PHF23: variants seen among roughly 807,000 people sequenced by gnomAD.
PHF23 encodes PHD finger protein 23, also known as PDH-containing protein JUNE-1.
In PHF23, 3 loss-of-function variants were observed where a neutral mutation model predicts 36.0. The ratio of observed to expected loss-of-function variants is 0.08; its 90% CI spans 0.04 to 0.22. PHF23 has a LOEUF of 0.22. PHF23 is among the 10% of genes least tolerant of loss of function. PHF23 has a pLI of 1.00. For missense variants in PHF23, 475 were observed against 513.6 expected (o/e 0.92, Z 0.73); for synonymous variants, 242 against 192.5 (o/e 1.26, Z -2.13).
intron 1 of PHF23, chr17:7,238,878 C>T: frequency 6.5e-7 from 1 of 1,533,992 alleles, no homozygotes; most frequent in Non-Finnish European, 8.7e-7. Context: ...AACTACCGGG[C>T]CCCTCACTCA....
At position 7,235,920 on chromosome 17, in the gene PHF23, A is replaced by C. The variant is rs747515864; in HGVS notation, c.997+10T>G. On this transcript the variant is annotated intron_variant, in intron 4 of 4. Transcript: ENST00000320316. ...CCCTCAAACCCCTCGCCCCAGCCCG[A>C]ACCTCTCACCTGATTCTACCATGAT... 4 of 1,610,696 alleles carry C rather than the reference A, an allele frequency of 2.5e-6. No individual in the cohort carries two copies. The East Asian group carries it at 8.9e-5, about 36-fold the overall frequency.
At position 7,236,598 on chromosome 17, in the gene PHF23, C is replaced by G; in HGVS notation, c.329G>C (p.Gly110Ala). 1 of 1,614,206 alleles carries G rather than the reference C, an allele frequency of 6.2e-7. No homozygotes were observed. Among genetic ancestry groups the G allele is most frequent in the Non-Finnish European group, 8.5e-7 (1 of 1,180,036 alleles). ...RAAQAGPTQP[G>A]PPRSTFSRLQ... ...ACGAGAGAAAGTGGACCTTGGGGGT[C>G]CTGGCTGGGTGGGACCTGCTTGAGC... Residue 110 changes from glycine (G) to alanine (A), a missense_variant, in exon 4 of 5, where the codon GGA becomes GCA. By Grantham distance (60) the Gly-to-Ala change is moderately conservative. This residue lies in a region of PHF23 where 350 missense variants were observed against 319.8 expected (regional missense o/e 1.09). Transcript: ENST00000320316. This position sits in a 1 kb window ranked among gnomAD's most constrained non-coding sequence, Gnocchi z 5.1.
At chr17:7,238,923 C>T (rs902840535) in intron 1 of PHF23, 4 of 1,524,968 alleles carry the variant, frequency 2.6e-6, no homozygotes, top group Non-Finnish European at 3.5e-6. Flanking sequence ...AGCAACTCTC[C>T]GGCCACTGGA....
chr17:7,237,798 G>A, intron 1 of PHF23, 138 bp from the exon 2 acceptor site: 1 of 1,010,084 alleles, frequency 9.9e-7, no homozygotes. Context: ...CAGCTGTGTT[G>A]GATCCGCCCC....
chr17:7,235,803 T>C lies in PHF23; in HGVS notation c.1035A>G (p.Arg345=). ...DSWDLITCYC[R]KPFAGRPMIE... ...TCATGGGCCGCCCTGCAAAGGGCTT[T>C]CGACAGTAACATGTGATCAGATCCC... is the stretch of plus-strand genomic sequence containing the variant. The change falls in exon 5 of 5, where the codon CGA becomes CGG. Residue 345 remains arginine, a synonymous_variant. Transcript: ENST00000320316. 1 of 1,614,206 alleles carries C rather than the reference T, an allele frequency of 6.2e-7. No homozygotes were observed. Among genetic ancestry groups the C allele is most frequent in the Non-Finnish European group, 8.5e-7 (1 of 1,180,042 alleles).
Position 7,236,832 on chromosome 17 carries a change from C to T in PHF23, c.160-65G>A. On this transcript the variant is annotated intron_variant, in intron 3 of 4. Coordinates refer to ENST00000320316, the MANE Select transcript of PHF23 (RefSeq NM_024297.3). This position sits in a 1 kb window ranked among gnomAD's most constrained non-coding sequence, Gnocchi z 5.1. ...TGTCATCTCAGCCCCTCCACAAACC[C>T]AGCTTGAAAAGGAGTGACTGGATTT... The T allele has an allele frequency of 1.3e-6, 2 of 1,530,170 alleles. No homozygotes were observed. The highest frequency in any genetic ancestry group is 2.6e-5 in the South Asian group (2 of 78,114). 94.8% of individuals were successfully genotyped at this position (1,530,170 alleles called of 1,614,324 possible). A position where few individuals can be genotyped will look rare whatever the true frequency, so the allele number is the denominator to read the frequency against.
rs565984816 is a variant in PHF23, at chr17:7,236,826, C to T, written c.160-59G>A. The T allele has an allele frequency of 1.6e-5, 24 of 1,537,428 alleles. No individual in the cohort carries two copies. The East Asian group carries it at 4.7e-4, about 30-fold the overall frequency. ...CCCCAGTGTCATCTCAGCCCCTCCA[C>T]AAACCCAGCTTGAAAAGGAGTGACT... On this transcript the variant is annotated intron_variant, in intron 3 of 4. Transcript: ENST00000320316. The surrounding 1 kb of genome is among the most constrained non-coding windows in gnomAD (Gnocchi z 5.1).
At chr17:7,238,606 C>CT in intron 1 of PHF23, 1 of 986,186 alleles carries the variant, frequency 1.0e-6, no homozygotes, top group Non-Finnish European at 1.2e-6. Context: ...CGGACCAACC[C>CT]TACCCCCCCG....
rs756057437 is a variant in PHF23 at position 7,236,451 on chromosome 17, C to T, written c.476G>A (p.Arg159Gln). The T allele has an allele frequency of 1.5e-5, 24 of 1,613,404 alleles. 1 individual carries two copies. In the South Asian group the frequency reaches 1.6e-4, roughly 11 times the overall value. Residue 159 changes from arginine (R) to glutamine (Q), a missense_variant, in exon 4 of 5, where the codon CGG becomes CAG. Arg to Gln is a conservative substitution (Grantham distance 43). Coordinates refer to ENST00000320316, the MANE Select transcript of PHF23 (RefSeq NM_024297.3). The surrounding 1 kb of genome is among the most constrained non-coding windows in gnomAD (Gnocchi z 5.1). ...LSPTSLTHTS[R>Q]PPAALTPVPL... is the part of the protein sequence containing the mutation. Reference sequence around the variant, plus strand: ...CACGGGGGTAAGAGCAGCAGGGGGCCGGGAGGTATGTGTCAGGGATGTGGG... The same window carrying T: ...CACGGGGGTAAGAGCAGCAGGGGGCTGGGAGGTATGTGTCAGGGATGTGGG...
Position 7,235,679 on chromosome 17 carries a change from G to C in PHF23, c.1159C>G (p.Leu387Val), listed in dbSNP as rs772665970. Residue 387 changes from leucine to valine, a missense_variant, in exon 5 of 5, where the codon CTG becomes GTG. Physicochemically the swap from Leu to Val is conservative, Grantham distance 32 (BLOSUM62 1). Transcript: ENST00000320316. Reference protein sequence around the residue: ...DFFYCQKCKELRPEARRLGGP... With the variant: ...DFFYCQKCKEVRPEARRLGGP... ...CCTAACCGCCGGGCCTCTGGCCTCA[G>C]TTCCTTGCATTTCTGGCAATAAAAG... The C allele has an allele frequency of 6.2e-7, 1 of 1,614,172 alleles. No homozygotes were observed. The highest frequency in any genetic ancestry group is 1.7e-5 in the Admixed American group (1 of 60,026).
At chr17:7,237,801 T>C (rs1459769414) in intron 1 of PHF23, 141 bp from the exon 2 acceptor site, 19 of 970,478 alleles carry the variant, frequency 2.0e-5, no homozygotes, top group Non-Finnish European at 3.0e-5. Flanking sequence ...CTGTGTTGGA[T>C]CCGCCCCGGC....
At chr17:7,240,443 T>C, upstream of PHF23, 1 of 171,342 alleles carries the variant, frequency 5.8e-6, no homozygotes, top group Admixed American at 5.9e-5. Flanking sequence ...TTCCTCTTTA[T>C]TGATGTGCCT....
In PHF23 at chr17:7,238,704, C is replaced by G. The variant is rs988223261; in HGVS notation, c.34+542G>C. On this transcript the variant is annotated intron_variant, in intron 1 of 4. Transcript: ENST00000320316. ...CTCGCCTCGCTTCCTGGCTCGCTCT[C>G]TCCACAACTACCCCCCGGTACAGGT... 13 of 1,264,406 alleles carry G rather than the reference C, an allele frequency of 1.0e-5. No homozygotes were observed. In the East Asian group the frequency reaches 1.5e-4, roughly 15 times the overall value. The allele number at this position is 1,264,406 out of a possible 1,614,324, so 78.3% of individuals were successfully genotyped here. A position where few individuals can be genotyped will look rare whatever the true frequency, so the allele number is the denominator to read the frequency against.
Position 7,235,585 on chromosome 17 carries a change from T to G in PHF23, c.*41A>C. On this transcript the variant is annotated 3_prime_UTR_variant, in exon 5 of 5. Transcript: ENST00000320316. The stretch of plus-strand genomic sequence containing the variant: ...AGGACCCTGAGGCTCAGTTCCCAAA[T>G]CATGTTGTCATTTGGAAGTTCCAGG... The G allele has an allele frequency of 6.3e-7, 1 of 1,599,464 alleles. No individual in the cohort carries two copies. The highest frequency in any genetic ancestry group is 1.1e-5 in the South Asian group (1 of 90,500).
chr17:7,239,313 C>G lies in PHF23; in HGVS notation c.-34G>C. 3.4e-6 allele frequency: 4 copies of G among 1,186,818 alleles called. No homozygotes were observed. Among genetic ancestry groups the G allele is most frequent in the Admixed American group, 1.8e-5 (1 of 54,150 alleles). 73.5% of individuals were successfully genotyped at this position (1,186,818 alleles called of 1,614,324 possible). ...CCCCTCCTCCCGGTCCGGCGCCCCCCTCCCCGGAGCCGGGGATCCCGGTGC... is the reference window on the plus strand; with the variant it reads ...CCCCTCCTCCCGGTCCGGCGCCCCCGTCCCCGGAGCCGGGGATCCCGGTGC... On this transcript the variant is annotated 5_prime_UTR_variant, in exon 1 of 5. Transcript: ENST00000320316.
rs995641373 is a variant in PHF23, at chr17:7,239,445, T to G, written c.-166A>C. The G allele has an allele frequency of 1.3e-5, 5 of 391,766 alleles. No individual in the cohort carries two copies. The highest frequency in any genetic ancestry group is 9.6e-6 in the Non-Finnish European group (2 of 209,318). 24.3% of individuals were successfully genotyped at this position (391,766 alleles called of 1,614,324 possible). ...CGCTGCCGCCACCTCCCTCTACCACTGCCTCCCGCACTCCCGGACCGGGCC... is the reference window on the plus strand; with the variant it reads ...CGCTGCCGCCACCTCCCTCTACCACGGCCTCCCGCACTCCCGGACCGGGCC... On this transcript the variant is annotated 5_prime_UTR_variant, in exon 1 of 5. Transcript: ENST00000320316.
rs2071635648 is a variant in PHF23, at chr17:7,235,377, C to CAA, written c.*248_*249insTT. 6 of 527,890 alleles carry CAA rather than the reference C, an allele frequency of 1.1e-5. No homozygotes were observed. The highest frequency in any genetic ancestry group is 2.1e-5 in the Non-Finnish European group (6 of 292,334). 32.7% of individuals were successfully genotyped at this position (527,890 alleles called of 1,614,324 possible). ...AAGTGATGGTGGCAGGTCCAAGAGA[C>CAA]AGAGATTATGTGTCGGGACACAGAC... On this transcript the variant is annotated 3_prime_UTR_variant, in exon 5 of 5. Coordinates refer to ENST00000320316, the MANE Select transcript of PHF23 (RefSeq NM_024297.3).
At position 7,236,430 on chromosome 17, in the gene PHF23, G is replaced by A; in HGVS notation, c.497C>T (p.Pro166Leu). ...HTSRPPAALT[P>L]VPLSQGDLSH... ...GAGGTCCCCCTGGGAAAGGGGCACGGGGGTAAGAGCAGCAGGGGGCCGGGA... is the reference window on the plus strand; with the variant it reads ...GAGGTCCCCCTGGGAAAGGGGCACGAGGGTAAGAGCAGCAGGGGGCCGGGA... The change falls in exon 4 of 5, where the codon CCC becomes CTC. Residue 166 changes from proline (P) to leucine (L), a missense_variant. Transcript: ENST00000320316. This position sits in a 1 kb window ranked among gnomAD's most constrained non-coding sequence, Gnocchi z 5.1. 1 of 1,613,796 alleles carries A rather than the reference G, an allele frequency of 6.2e-7. No homozygotes were observed. Among genetic ancestry groups the A allele is most frequent in the Non-Finnish European group, 8.5e-7 (1 of 1,179,948 alleles).
intron 1 of PHF23, chr17:7,237,975 T>G: frequency 3.3e-5 from 9 of 271,744 alleles, no homozygotes; most frequent in East Asian, 1.8e-4. Context: ...CACCCCACCG[T>G]ACCGCTCCCG....
Sources: allele counts gnomAD v4.1 joint callset, GRCh38; gene constraint gnomAD v4.1.1; regional missense constraint gnomAD v4.1.1; non-coding constraint Gnocchi (gnomAD v3.1); transcripts MANE v1.5; gene names NCBI Gene and HGNC (gene_info 2026-07-23, HGNC 2026-07-21).